The following SHLD1 variants were observed in gnomAD, a reference collection of about 807,000 sequenced individuals.
SHLD1 encodes RINN1-REV7-interacting novel NHEJ regulator 3.
In SHLD1, 3 loss-of-function variants were observed where a neutral mutation model predicts 5.5. The observed-to-expected ratio is 0.54, with a 90% CI of 0.25 to 1.40. The LOEUF (loss-of-function observed/expected upper bound fraction) is 1.40, where lower values mean the gene tolerates loss of function less well. SHLD1 is among the 40% of genes most tolerant of loss of function. The pLI is 0.15. For synonymous variants in SHLD1, 92 were observed against 94.3 expected (o/e 0.98, Z 0.14); for missense variants, 210 against 244.4 (o/e 0.86, Z 0.94).
chr20:5,837,447 T>C (rs2087803127), intron 2 of SHLD1, among the ~76,000 whole-genome samples: 1 of 152,184 alleles, frequency 6.6e-6, no homozygotes, highest in Non-Finnish European at 1.5e-5. Context: ...TTCTTCCTGA[T>C]GCTCTCCCTC....
intron 2 of SHLD1, among the ~76,000 whole-genome samples, chr20:5,779,685 G>A (rs781416492): frequency 2.6e-5 from 4 of 152,144 alleles, no homozygotes; most frequent in Non-Finnish European, 4.4e-5. Flanking sequence ...GGGAAATATA[G>A]CCAAGGTTTC....
intron 1 of SHLD1, among the ~76,000 whole-genome samples, chr20:5,770,085 G>A (rs1295202375): frequency 1.3e-5 from 2 of 151,686 alleles, no homozygotes; most frequent in Non-Finnish European, 1.5e-5. Flanking sequence ...GTTAGTGTTC[G>A]GCTACTATTG....
chr20:5,780,848 T>C (rs2086981020), intron 2 of SHLD1, among the ~76,000 whole-genome samples: 1 of 152,210 alleles, frequency 6.6e-6, no homozygotes, highest in Non-Finnish European at 1.5e-5. Flanking sequence ...TGATCTTCCC[T>C]AGGAGCCAAA....
At chr20:5,802,449 G>A (rs2087307464) in intron 2 of SHLD1, among the ~76,000 whole-genome samples, 1 of 152,082 alleles carries the variant, frequency 6.6e-6, no homozygotes, top group Non-Finnish European at 1.5e-5. Context: ...TGGAAACTTT[G>A]AATAATACTA....
At chr20:5,835,501 C>T (rs2087778716) in intron 2 of SHLD1, among the ~76,000 whole-genome samples, 1 of 152,082 alleles carries the variant, frequency 6.6e-6, no homozygotes, top group South Asian at 2.1e-4. Flanking sequence ...GGCTGGCCAG[C>T]TCTACCTGGG....
At chr20:5,803,305 G>A (rs1368286071) in intron 2 of SHLD1, among the ~76,000 whole-genome samples, 1 of 152,148 alleles carries the variant, frequency 6.6e-6, no homozygotes, top group Non-Finnish European at 1.5e-5. Flanking sequence ...TGGGACTTGA[G>A]ATGAGTACCA....
intron 1 of SHLD1, among the ~76,000 whole-genome samples, chr20:5,761,849 C>T (rs998410687): frequency 6.6e-6 from 1 of 151,982 alleles, no homozygotes; most frequent in African/African-American, 2.4e-5. Flanking sequence ...CTCAAGTCAT[C>T]CACCTGCCTC....
intron 2 of SHLD1, among the ~76,000 whole-genome samples, chr20:5,784,865 G>A (rs1330486615): frequency 6.6e-6 from 1 of 152,136 alleles, no homozygotes; most frequent in African/African-American, 2.4e-5. Context: ...ATTTACTTCT[G>A]TGTACTTTGC....
At chr20:5,822,638 T>TA (rs2087618668) in intron 2 of SHLD1, among the ~76,000 whole-genome samples, 1 of 151,972 alleles carries the variant, frequency 6.6e-6, no homozygotes, top group South Asian at 2.1e-4. Flanking sequence ...AGAAGACTGT[T>TA]ACAGTGGGTG....
In SHLD1 at chr20:5,863,416, G is replaced by C. The variant is rs749622214; in HGVS notation, c.571G>C (p.Asp191His). Residue 191 changes from aspartate to histidine, a missense_variant, in exon 3 of 3, where the codon GAT becomes CAT. Coordinates refer to ENST00000303142, the MANE Select transcript of SHLD1 (RefSeq NM_152504.4). Reference protein sequence around the residue: ...DEKPNPGLSKDITHFLLQQNV... With the variant: ...DEKPNPGLSKHITHFLLQQNV... ...AAAGCCAAACCCAGGACTGTCAAAG[G>C]ATATTACTCATTTCCTCTTGCAGCA... 1 of 1,612,160 alleles carries C rather than the reference G, an allele frequency of 6.2e-7. No individual in the cohort carries two copies. The highest frequency in any genetic ancestry group is 2.2e-5 in the East Asian group (1 of 44,886).
intron 2 of SHLD1, among the ~76,000 whole-genome samples, chr20:5,827,787 T>C (rs568254667): frequency 6.6e-6 from 1 of 152,374 alleles, no homozygotes; most frequent in Admixed American, 6.5e-5. Flanking sequence ...CCCTTACGGC[T>C]GATTCGACAC....
chr20:5,825,634 G>C (rs1297967883), intron 2 of SHLD1, among the ~76,000 whole-genome samples: 1 of 152,186 alleles, frequency 6.6e-6, no homozygotes, highest in East Asian at 1.9e-4. Context: ...CAGTGCTTTG[G>C]GAGGCCAAGG....
intron 1 of SHLD1, among the ~76,000 whole-genome samples, chr20:5,757,226 A>C (rs1214361008): frequency 1.3e-5 from 2 of 151,254 alleles, no homozygotes; most frequent in Non-Finnish European, 3.0e-5. Flanking sequence ...TACAAAGTAC[A>C]CCACCACGCC....
chr20:5,842,505 T>C (rs2087876995), intron 2 of SHLD1, among the ~76,000 whole-genome samples: 1 of 152,234 alleles, frequency 6.6e-6, no homozygotes, highest in Non-Finnish European at 1.5e-5. Context: ...TACAGAACAT[T>C]GTGATTAATA....
rs560491491 is a variant in SHLD1, at chr20:5,753,491, G to T, written c.-5+3012G>T. Among the ~76,000 whole-genome samples, 4 of 152,246 alleles carry T rather than the reference G, an allele frequency of 2.6e-5. No individual in the cohort carries two copies. The South Asian group carries it at 8.3e-4, about 32-fold the overall frequency. On this transcript the variant is annotated intron_variant, in intron 1 of 2. Coordinates refer to ENST00000303142, the MANE Select transcript of SHLD1 (RefSeq NM_152504.4). ...AAAGTTTTCCTTTTAATAAAAAGCA[G>T]CCCCAAATCATTTCTAACAAAAAAC...
chr20:5,856,651 A>T (rs1255141757), intron 2 of SHLD1, among the ~76,000 whole-genome samples: 1 of 152,212 alleles, frequency 6.6e-6, no homozygotes, highest in Admixed American at 6.5e-5. Context: ...TGAATAGTGC[A>T]TCAAGAGTTG....
In SHLD1 at chr20:5,839,055, T is replaced by G. The variant is rs886897046; in HGVS notation, c.179-23969T>G. 3.3e-4 allele frequency among the ~76,000 whole-genome samples: 50 copies of G among 152,186 alleles called. 1 individual carries two copies. The highest frequency in any genetic ancestry group is 2.4e-3 in the Admixed American group (36 of 15,274). On this transcript the variant is annotated intron_variant, in intron 2 of 2. Coordinates refer to ENST00000303142, the MANE Select transcript of SHLD1 (RefSeq NM_152504.4). ...GGACTGTGGCTCATGCTAGTTGAGG[T>G]TGTATGCTTATTAGAAATGGAGTAG... is the stretch of plus-strand genomic sequence containing the variant.
intron 2 of SHLD1, among the ~76,000 whole-genome samples, chr20:5,783,223 T>G (rs2087010421): frequency 6.6e-6 from 1 of 152,044 alleles, no homozygotes; most frequent in Non-Finnish European, 1.5e-5. Flanking sequence ...ATTTGGGGTT[T>G]TTGTTGTTGT....
At chr20:5,750,666 G>C (rs1021239763) in intron 1 of SHLD1, among the ~76,000 whole-genome samples, 187 bp downstream of exon 1, 2 of 152,012 alleles carry the variant, frequency 1.3e-5, no homozygotes, top group Non-Finnish European at 1.5e-5. Flanking sequence ...GGGGAATTTT[G>C]GGAATTTGTG....
Sources: gnomAD v4.1 joint callset for allele counts (sites outside exome capture counted in the v4.1 genomes callset) on GRCh38, gnomAD v4.1.1 for gene constraint, MANE v1.5 for transcripts, NCBI Gene and HGNC (gene_info 2026-07-23, HGNC 2026-07-21) for gene names.